The following PAWR variants were observed in gnomAD, a reference collection of about 807,000 sequenced individuals.
PAWR encodes pro-apoptotic WT1 regulator.
Under a neutral mutation model 32.0 loss-of-function variants are expected in PAWR, and 23 were observed. That is an observed-to-expected ratio of 0.72 (90% CI 0.52 to 1.02). The LOEUF is 1.02. Among genes scored for constraint, PAWR ranks in the 50% least tolerant of loss-of-function variants. The probability of loss-of-function intolerance (pLI) is 0.00; values close to 1 mark genes in which losing one functional copy is unlikely to be tolerated. For synonymous variants in PAWR, 226 were observed against 187.1 expected (o/e 1.21, Z -1.70); for missense variants, 457 against 437.7 (o/e 1.04, Z -0.39).
chr12:79,672,766 A>G (rs895104330), intron 2 of PAWR, among the ~76,000 whole-genome samples: 2 of 152,104 alleles, frequency 1.3e-5, no homozygotes, highest in African/African-American at 4.8e-5. Context: ...TATTTCAAAC[A>G]TGTACAGCAG....
chr12:79,665,792 C>G (rs895551996), intron 2 of PAWR, among the ~76,000 whole-genome samples: 2 of 152,236 alleles, frequency 1.3e-5, no homozygotes, highest in South Asian at 4.2e-4. Context: ...GTTTTTGAAG[C>G]AATTCTGGAA....
Position 79,674,423 on chromosome 12 carries a change from C to T in PAWR, c.516+15306G>A, listed in dbSNP as rs548835307. 1.3e-3 allele frequency among the ~76,000 whole-genome samples: 190 copies of T among 151,866 alleles called. 1 individual carries two copies. The highest frequency in any genetic ancestry group is 4.4e-3 in the African/African-American group (183 of 41,472). On this transcript the variant is annotated intron_variant, in intron 2 of 6. Coordinates refer to ENST00000328827, the MANE Select transcript of PAWR (RefSeq NM_002583.4). ...AAAATCAACTCAAATGGACTAAAGGCTTAAATGTAAAACCTGCAACTATGA... is the reference window on the plus strand; with the variant it reads ...AAAATCAACTCAAATGGACTAAAGGTTTAAATGTAAAACCTGCAACTATGA...
intron 2 of PAWR, among the ~76,000 whole-genome samples, chr12:79,667,653 A>G (rs1410532143): frequency 1.3e-5 from 2 of 152,198 alleles, no homozygotes; most frequent in Admixed American, 6.5e-5. Context: ...TGGACATTTG[A>G]TATTAATGAA....
chr12:79,640,720 C>G (rs1052113572), intron 2 of PAWR, among the ~76,000 whole-genome samples: 7 of 152,120 alleles, frequency 4.6e-5, no homozygotes, highest in Admixed American at 4.6e-4. Context: ...GCACTCCAGC[C>G]TGGGTGCCAG....
chr12:79,648,538 T>G (rs550775696), intron 2 of PAWR, among the ~76,000 whole-genome samples: 50 of 151,626 alleles, frequency 3.3e-4, no homozygotes, highest in Non-Finnish European at 6.6e-4. Context: ...GCAGTAATGC[T>G]TTGGGAGACC....
At chr12:79,676,138 A>G (rs1878154381) in intron 2 of PAWR, among the ~76,000 whole-genome samples, 1 of 152,044 alleles carries the variant, frequency 6.6e-6, no homozygotes, top group African/African-American at 2.4e-5. Flanking sequence ...AAATAGAAAT[A>G]ATAATAATAA....
At chr12:79,664,112 T>A (rs950881709) in intron 2 of PAWR, among the ~76,000 whole-genome samples, 2 of 152,128 alleles carry the variant, frequency 1.3e-5, no homozygotes, top group Non-Finnish European at 2.9e-5. Flanking sequence ...GTGAGAAATG[T>A]GGGATTATTT....
At chr12:79,652,137 G>A (rs1351444457) in intron 2 of PAWR, among the ~76,000 whole-genome samples, 1 of 152,070 alleles carries the variant, frequency 6.6e-6, no homozygotes, top group Non-Finnish European at 1.5e-5. Context: ...TTTCAGTTTG[G>A]AAAGATGAAA....
At chr12:79,633,573 T>C (rs951946123) in intron 2 of PAWR, among the ~76,000 whole-genome samples, 3 of 152,122 alleles carry the variant, frequency 2.0e-5, no homozygotes, top group African/African-American at 7.2e-5. Context: ...AAACCACTCT[T>C]GGCTCTCTGT....
At chr12:79,621,663 A>T (rs1215959885) in intron 2 of PAWR, among the ~76,000 whole-genome samples, 1 of 152,220 alleles carries the variant, frequency 6.6e-6, no homozygotes, top group African/African-American at 2.4e-5. Context: ...TTCTATGAGC[A>T]TATAAAGGAA....
At chr12:79,640,996 A>T (rs928142673) in intron 2 of PAWR, among the ~76,000 whole-genome samples, 1 of 152,222 alleles carries the variant, frequency 6.6e-6, no homozygotes, top group Non-Finnish European at 1.5e-5. Flanking sequence ...ATACTAAAGA[A>T]AATGAACAGA....
rs970963526 is a variant in PAWR, at chr12:79,585,506, C to CAAGGA, written c.*7100_*7101insTCCTT. ...ACATAAAACCACAAAACTTTGGACT[C>CAAGGA]AAAGACTAGCTTTGTGATACAATGT... On this transcript the variant is annotated 3_prime_UTR_variant, in exon 7 of 7. Transcript: ENST00000328827. The CAAGGA allele has an allele frequency of 5.8e-6, 1 of 173,550 alleles. No individual in the cohort carries two copies. The highest frequency in any genetic ancestry group is 2.4e-5 in the African/African-American group (1 of 41,640). 10.8% of individuals were successfully genotyped at this position (173,550 alleles called of 1,614,324 possible).
intron 2 of PAWR, among the ~76,000 whole-genome samples, chr12:79,659,219 G>A (rs376843907): frequency 2.6e-4 from 40 of 151,952 alleles, no homozygotes; most frequent in Non-Finnish European, 2.8e-4. Flanking sequence ...GCTTGATCCC[G>A]GGAGGTGGAG....
rs1878995117 is a variant in PAWR, at chr12:79,690,925, G to A, written c.-201C>T. ...TAGGGCTGGGATCCGGCTCCCAGGT[G>A]TGCCGAAGCTGGCGCGCGCTCTTCC... On this transcript the variant is annotated 5_prime_UTR_variant, in exon 1 of 7. Coordinates refer to ENST00000328827, the MANE Select transcript of PAWR (RefSeq NM_002583.4). 2 of 152,368 alleles carry A rather than the reference G, an allele frequency of 1.3e-5. No homozygotes were observed. The highest frequency in any genetic ancestry group is 3.9e-4 in the East Asian group (2 of 5,132). 9.4% of individuals were successfully genotyped at this position (152,368 alleles called of 1,614,324 possible).
intron 2 of PAWR, among the ~76,000 whole-genome samples, chr12:79,625,368 A>G (rs1875237984): frequency 1.3e-5 from 2 of 152,194 alleles, no homozygotes; most frequent in South Asian, 4.1e-4. Context: ...GCTGAATTTT[A>G]TCCAAATTTG....
Position 79,589,749 on chromosome 12 carries a change from T to C in PAWR, c.*2858A>G, listed in dbSNP as rs1373654032. On this transcript the variant is annotated 3_prime_UTR_variant, in exon 7 of 7. Transcript: ENST00000328827. ...AGGCAAGTCATGTTCATTTTAAAGA[T>C]GACAAACTTACTATTTTGAAAATGA... The C allele has an allele frequency of 1.3e-5, 2 of 152,192 alleles. No homozygotes were observed. The highest frequency in any genetic ancestry group is 2.9e-5 in the Non-Finnish European group (2 of 68,024). The allele number at this position is 152,192 out of a possible 1,614,324, so 9.4% of individuals were successfully genotyped here.
intron 4 of PAWR, among the ~76,000 whole-genome samples, chr12:79,604,975 C>A (rs1236745177): frequency 1.3e-5 from 2 of 152,014 alleles, no homozygotes; most frequent in African/African-American, 4.8e-5. Context: ...AAATATATAT[C>A]TCCTCCCAGA....
intron 2 of PAWR, among the ~76,000 whole-genome samples, chr12:79,656,691 T>C (rs1241846963): frequency 6.6e-6 from 1 of 152,146 alleles, no homozygotes; most frequent in African/African-American, 2.4e-5. Flanking sequence ...AATAATGACA[T>C]CCAGTTCTGG....
intron 3 of PAWR, among the ~76,000 whole-genome samples, 178 bp downstream of exon 3, chr12:79,620,898 A>G (rs532333040): frequency 6.6e-6 from 1 of 152,138 alleles, no homozygotes; most frequent in Non-Finnish European, 1.5e-5. Context: ...GGGTGAAGAG[A>G]GTGTTCATGC....
Sources: gnomAD v4.1 joint callset for allele counts (sites outside exome capture counted in the v4.1 genomes callset) on GRCh38, gnomAD v4.1.1 for gene constraint, MANE v1.5 for transcripts, NCBI Gene and HGNC (gene_info 2026-07-23, HGNC 2026-07-21) for gene names.